AGMO: variants seen among roughly 807,000 people sequenced by gnomAD.
AGMO encodes glyceryl-ether monooxygenase.
Under a neutral mutation model 60.2 loss-of-function variants are expected in AGMO, and 75 were observed. The observed-to-expected ratio is 1.25, with a 90% CI of 1.03 to 1.51. The LOEUF is 1.51. AGMO is among the 40% of genes most tolerant of loss of function. The pLI is 0.00. For synonymous variants in AGMO, 261 were observed against 177.1 expected, an observed-to-expected ratio of 1.47 and a Z score of -3.76; for missense variants, 763 against 525.5, an observed-to-expected ratio of 1.45 and a Z score of -4.42.
intron 12 of AGMO, among the ~76,000 whole-genome samples, chr7:15,282,073 A>G (rs746860972): frequency 2.0e-5 from 3 of 152,158 alleles, no homozygotes; most frequent in Non-Finnish European, 2.9e-5. Context: ...TTTAAAAAAC[A>G]ATAAAATCAA....
chr7:15,437,385 A>G (rs1781429951), intron 3 of AGMO, among the ~76,000 whole-genome samples: 1 of 152,182 alleles, frequency 6.6e-6, no homozygotes, highest in South Asian at 2.1e-4. Context: ...AATTAAGTAT[A>G]TCTAAAACTA....
chr7:15,441,993 T>C (rs1331838137), intron 3 of AGMO, among the ~76,000 whole-genome samples: 1 of 152,102 alleles, frequency 6.6e-6, no homozygotes, highest in African/African-American at 2.4e-5. Context: ...TGTCTTGGTG[T>C]CCTGAAACCA....
intron 12 of AGMO, among the ~76,000 whole-genome samples, chr7:15,294,604 G>A (rs1243620485): frequency 6.6e-6 from 1 of 151,858 alleles, no homozygotes; most frequent in African/African-American, 2.4e-5. Context: ...TCCTAAAAAT[G>A]TGAATAATTT....
At chr7:15,125,434 A>T in the AGMO span, among the ~76,000 whole-genome samples, 1 of 152,102 alleles carries the variant, frequency 6.6e-6, no homozygotes, top group Non-Finnish European at 1.5e-5. Context: ...CTAAGATGTG[A>T]CTGATTTTGA....
At chr7:15,406,364 A>C (rs967108237) in intron 5 of AGMO, among the ~76,000 whole-genome samples, 3 of 140,996 alleles carry the variant, frequency 2.1e-5, no homozygotes, top group Admixed American at 7.1e-5. Flanking sequence ...ATATGTATAT[A>C]CACACATACA....
chr7:15,127,587 T>C, the AGMO span, among the ~76,000 whole-genome samples: 1 of 152,072 alleles, frequency 6.6e-6, no homozygotes, highest in Non-Finnish European at 1.5e-5. Context: ...AATACTTCAC[T>C]TAGCTAGTCT....
At chr7:15,310,699 T>A (rs1780744309) in intron 12 of AGMO, among the ~76,000 whole-genome samples, 1 of 152,168 alleles carries the variant, frequency 6.6e-6, no homozygotes, top group South Asian at 2.1e-4. Context: ...TTGCTGCTGT[T>A]TCAAATAGCC....
At chr7:15,321,233 A>G (rs1781098184) in intron 12 of AGMO, among the ~76,000 whole-genome samples, 1 of 152,174 alleles carries the variant, frequency 6.6e-6, no homozygotes, top group South Asian at 2.1e-4. Context: ...CTTTTCTGCT[A>G]TATACACATA....
chr7:15,356,440 T>A (rs1466721068), intron 12 of AGMO, among the ~76,000 whole-genome samples: 2 of 152,110 alleles, frequency 1.3e-5, no homozygotes, highest in African/African-American at 4.8e-5. Flanking sequence ...AAACTATATA[T>A]AAGAAACCAT....
chr7:15,362,761 CGT>C, intron 12 of AGMO, among the ~76,000 whole-genome samples: 1 of 152,292 alleles, frequency 6.6e-6, no homozygotes, highest in African/African-American at 2.4e-5. Flanking sequence ...ATTCAAACCA[CGT>C]GTCTTTTCAA....
chr7:15,316,853 T>C (rs1327638837), intron 12 of AGMO, among the ~76,000 whole-genome samples: 2 of 152,186 alleles, frequency 1.3e-5, no homozygotes, highest in African/African-American at 4.8e-5. Flanking sequence ...AATTATTTGA[T>C]TATTTTAGAC....
chr7:15,155,682 G>C, the AGMO span, among the ~76,000 whole-genome samples: 8 of 151,980 alleles, frequency 5.3e-5, no homozygotes, highest in Non-Finnish European at 1.2e-4. Context: ...GAGATAGTGC[G>C]GTCATTTGGA....
At chr7:15,333,438 T>C (rs1781558631) in intron 12 of AGMO, among the ~76,000 whole-genome samples, 1 of 151,998 alleles carries the variant, frequency 6.6e-6, no homozygotes, top group African/African-American at 2.4e-5. Context: ...TTGATGATTA[T>C]TTTTTACCAC....
chr7:15,490,025 T>A (rs1324824913), intron 3 of AGMO, among the ~76,000 whole-genome samples: 4 of 152,206 alleles, frequency 2.6e-5, no homozygotes, highest in African/African-American at 9.6e-5. Flanking sequence ...GCACACTGAA[T>A]GGAAAAATAT....
intron 12 of AGMO, among the ~76,000 whole-genome samples, chr7:15,333,623 GA>G (rs202025955): frequency 0.017 from 2,394 of 143,742 alleles, 68 homozygotes; most frequent in African/African-American, 0.057. Flanking sequence ...AAAAAAGAAA[GA>G]AAAAAAATAA....
chr7:15,319,702 C>A (rs1781047611), intron 12 of AGMO, among the ~76,000 whole-genome samples: 1 of 151,878 alleles, frequency 6.6e-6, no homozygotes, highest in Non-Finnish European at 1.5e-5. Flanking sequence ...AACACACACA[C>A]GGAAAGATTC....
rs574585773 is a variant in AGMO at position 15,433,886 on chromosome 7, T to C, written c.410-2778A>G. ...ATTAATATATTGGCCAACACTTCCA[T>C]TCATTTGGCCAACATTTTATGTAAT... On this transcript the variant is annotated intron_variant, in intron 3 of 12. Coordinates refer to ENST00000342526, the MANE Select transcript of AGMO (RefSeq NM_001004320.2). Among the ~76,000 whole-genome samples the C allele has an allele frequency of 2.6e-5, 4 of 152,222 alleles. No individual in the cohort carries two copies. The South Asian group carries it at 8.3e-4, about 32-fold the overall frequency.
chr7:15,392,194 C>G (rs999378548), intron 6 of AGMO, among the ~76,000 whole-genome samples: 2 of 151,996 alleles, frequency 1.3e-5, no homozygotes, highest in East Asian at 2.0e-4. Flanking sequence ...CTCAGCCTCC[C>G]GAGTAGCTGC....
the AGMO span, among the ~76,000 whole-genome samples, chr7:15,137,676 A>T: frequency 0.35 from 53,172 of 152,046 alleles, 10,926 homozygotes; most frequent in East Asian, 0.65. Flanking sequence ...GCAGAAGATT[A>T]GTAGGAATGA....
Sources: gnomAD v4.1 joint callset for allele counts (sites outside exome capture counted in the v4.1 genomes callset) on GRCh38, gnomAD v4.1.1 for gene constraint, MANE v1.5 for transcripts, NCBI Gene and HGNC (gene_info 2026-07-23, HGNC 2026-07-21) for gene names.